Variants in USP43 observed in about 807,000 individuals in gnomAD.
USP43 encodes the protein ubiquitin carboxyl-terminal hydrolase 43.
In USP43, 33 loss-of-function variants were observed where a neutral mutation model predicts 90.7. The ratio of observed to expected loss-of-function variants is 0.36; its 90% CI spans 0.28 to 0.49. The LOEUF is 0.49. USP43 is among the 20% of genes least tolerant of loss of function. USP43 has a pLI of 0.98. For missense variants in USP43, 1,274 were observed against 1,476.4 expected (o/e 0.86, Z 2.25); for synonymous variants, 598 against 615.8 (o/e 0.97, Z 0.43).
At chr17:9,700,804 T>C (rs1373361508) in intron 10 of USP43, among the ~76,000 whole-genome samples, 2 of 152,150 alleles carry the variant, frequency 1.3e-5, no homozygotes, top group Non-Finnish European at 2.9e-5. Flanking sequence ...AGCCTTACTT[T>C]AAGAAAGGAT....
Position 9,680,300 on chromosome 17 carries a change from A to G in USP43, c.1039A>G (p.Ile347Val), listed in dbSNP as rs576617513. ...CTTTGATGAAGAGGACCTGAATACCATCGCAGAGGGAGATAATGTGTATGC... is the reference window on the plus strand; with the variant it reads ...CTTTGATGAAGAGGACCTGAATACCGTCGCAGAGGGAGATAATGTGTATGC... Reference protein sequence around the residue: ...SFFDEEDLNTIAEGDNVYAFQ... With the variant: ...SFFDEEDLNTVAEGDNVYAFQ... Residue 347 changes from isoleucine (I) to valine (V), a missense_variant, in exon 6 of 15, where the codon ATC becomes GTC. By Grantham distance (29) the Ile-to-Val change is conservative (BLOSUM62 3). This residue lies in a region of USP43 where 253 missense variants were observed against 276.0 expected (regional missense o/e 0.92). Transcript: ENST00000285199. 2.5e-6 allele frequency: 4 copies of G among 1,614,004 alleles called. No individual in the cohort carries two copies. Among genetic ancestry groups the G allele is most frequent in the African/African-American group, 2.7e-5 (2 of 75,052 alleles).
intron 8 of USP43, among the ~76,000 whole-genome samples, chr17:9,687,644 A>G (rs79700745): frequency 0.011 from 1,740 of 152,290 alleles, 23 homozygotes; most frequent in Middle Eastern, 0.034. Flanking sequence ...TCAGATTCCT[A>G]TTGTCCCCTA....
chr17:9,693,262 A>G (rs1225934742), intron 9 of USP43, 32 bp downstream of exon 9: 1 of 1,537,142 alleles, frequency 6.5e-7, no homozygotes, highest in Admixed American at 1.8e-5. Context: ...CAGTCAGCTA[A>G]TGAACCCTTT....
chr17:9,672,171 A>G (rs148785380), intron 3 of USP43, among the ~76,000 whole-genome samples: 364 of 151,960 alleles, frequency 2.4e-3, no homozygotes, highest in African/African-American at 8.3e-3. Flanking sequence ...TAATTTTTGT[A>G]TTTTTAGTAG....
At chr17:9,672,390 T>G (rs1913496006) in intron 3 of USP43, among the ~76,000 whole-genome samples, 1 of 152,212 alleles carries the variant, frequency 6.6e-6, no homozygotes. Flanking sequence ...GGTGGCTCAA[T>G]GTAAAAGTCA....
chr17:9,665,752 G>A (rs909523145), intron 2 of USP43, among the ~76,000 whole-genome samples: 2 of 152,186 alleles, frequency 1.3e-5, no homozygotes, highest in African/African-American at 4.8e-5. Context: ...CAGTGTTCTT[G>A]TGAAAGAGAA....
intron 7 of USP43, among the ~76,000 whole-genome samples, chr17:9,684,687 C>T (rs1183699459): frequency 1.4e-5 from 2 of 142,886 alleles, no homozygotes; most frequent in East Asian, 2.2e-4. Flanking sequence ...TGCTTGAACC[C>T]GGGAGGCGGA....
In USP43 at chr17:9,698,540, C is replaced by T. The variant is rs895795349; in HGVS notation, c.1458-1632C>T. Among the ~76,000 whole-genome samples the T allele has an allele frequency of 4.6e-5, 7 of 152,274 alleles. No homozygotes were observed. The East Asian group carries it at 1.4e-3, about 29-fold the overall frequency. On this transcript the variant is annotated intron_variant, in intron 9 of 14. Coordinates refer to ENST00000285199, the MANE Select transcript of USP43 (RefSeq NM_153210.5). ...TGGGGATTGTTAGGTATATACATTT[C>T]TTGGAGTAGCATCGCTCCATACACA...
At chr17:9,717,060 C>T (rs1916610991) in intron 14 of USP43, among the ~76,000 whole-genome samples, 1 of 150,282 alleles carries the variant, frequency 6.7e-6, no homozygotes, top group South Asian at 2.1e-4. Context: ...CACTTGAACC[C>T]AGGAAGGAGA....
At chr17:9,646,223 G>C (rs2151957870) in intron 1 of USP43, 87 bp downstream of exon 1, 2 of 1,349,254 alleles carry the variant, frequency 1.5e-6, no homozygotes, top group East Asian at 6.3e-5. Context: ...GGTTTTCTTG[G>C]GGCCTTCTTT....
At chr17:9,724,417 C>A (rs752928615) in intron 14 of USP43, among the ~76,000 whole-genome samples, 2 of 152,154 alleles carry the variant, frequency 1.3e-5, no homozygotes, top group African/African-American at 4.8e-5. Context: ...TGGTGGCTCA[C>A]GCCTGTAATC....
intron 2 of USP43, among the ~76,000 whole-genome samples, chr17:9,661,262 T>C (rs575370678): frequency 1.3e-5 from 2 of 152,280 alleles, no homozygotes; most frequent in South Asian, 4.1e-4. Flanking sequence ...GGGATGAGGC[T>C]GGGGAGAAGA....
At chr17:9,676,994 A>T in intron 5 of USP43, 113 bp downstream of exon 5, 4 of 1,357,448 alleles carry the variant, frequency 2.9e-6, no homozygotes, top group Non-Finnish European at 3.9e-6. Flanking sequence ...AGTATGACTC[A>T]TGGGTTTCTG....
intron 14 of USP43, among the ~76,000 whole-genome samples, chr17:9,714,963 G>A (rs183865875): frequency 1.7e-4 from 26 of 152,294 alleles, no homozygotes; most frequent in African/African-American, 5.3e-4. Flanking sequence ...TGCCATGGCT[G>A]GAGAGAAGGG....
At chr17:9,714,405 G>A (rs1026773951) in intron 14 of USP43, among the ~76,000 whole-genome samples, 2 of 152,168 alleles carry the variant, frequency 1.3e-5, no homozygotes, top group Non-Finnish European at 2.9e-5. Flanking sequence ...ATGAAGGCCG[G>A]GCACAGTGGC....
At chr17:9,689,813 G>A (rs149495081) in intron 8 of USP43, among the ~76,000 whole-genome samples, 2 of 152,264 alleles carry the variant, frequency 1.3e-5, no homozygotes, top group East Asian at 3.9e-4. Flanking sequence ...TGTTGGTGCC[G>A]TAATGATGGC....
In USP43 at chr17:9,678,061, G is replaced by T. The variant is rs146739693; in HGVS notation, c.969+1180G>T. On this transcript the variant is annotated intron_variant, in intron 5 of 14. Coordinates refer to ENST00000285199, the MANE Select transcript of USP43 (RefSeq NM_153210.5). The stretch of plus-strand genomic sequence containing the variant: ...AGTTACTGAAAGAGACGGAGAGAGA[G>T]GGGGACAGTGGGTGAGAGTCCTGGG... 2.6e-3 allele frequency among the ~76,000 whole-genome samples: 392 copies of T among 152,320 alleles called. 1 individual carries two copies. Among genetic ancestry groups the T allele is most frequent in the African/African-American group, 8.8e-3 (367 of 41,554 alleles).
intron 1 of USP43, among the ~76,000 whole-genome samples, chr17:9,655,084 G>GAAAAAA (rs57985388): frequency 8.0e-5 from 3 of 37,326 alleles, no homozygotes; most frequent in African/African-American, 1.3e-4. Flanking sequence ...AGAAAGAAAG[G>GAAAAAA]AAAAAAAAAA....
At chr17:9,715,351 G>C (rs765361523) in intron 14 of USP43, among the ~76,000 whole-genome samples, 9 of 152,164 alleles carry the variant, frequency 5.9e-5, no homozygotes, top group Admixed American at 1.3e-4. Flanking sequence ...TACTCAAAAG[G>C]CTGAGGTGGG....
Sources: allele counts gnomAD v4.1 joint callset (sites outside exome capture counted in the v4.1 genomes callset), GRCh38; gene constraint gnomAD v4.1.1; regional missense constraint gnomAD v4.1.1; transcripts MANE v1.5; gene names NCBI Gene and HGNC (gene_info 2026-07-23, HGNC 2026-07-21).